CDS2: variants seen among roughly 807,000 people sequenced by gnomAD.
CDS2 encodes CDP-diacylglycerol synthase 2.
In CDS2, 47 loss-of-function variants were observed where a neutral mutation model predicts 59.0. The observed-to-expected ratio is 0.80, with a 90% confidence interval of 0.63 to 1.02. CDS2 has a LOEUF of 1.02. Among genes scored for constraint, CDS2 ranks in the 50% least tolerant of loss-of-function variants. The pLI, the probability that CDS2 is intolerant of heterozygous loss-of-function variation, is 0.00. For missense variants in CDS2, 356 were observed against 558.9 expected, an observed-to-expected ratio of 0.64 and a Z score of 3.66; for synonymous variants, 207 against 206.4, an observed-to-expected ratio of 1.00 and a Z score of -0.02.
chr20:5,127,079 C>A lies in CDS2; in HGVS notation c.-14C>A. On this transcript the variant is annotated 5_prime_UTR_variant, in exon 1 of 13. Coordinates refer to ENST00000460006, the MANE Select transcript of CDS2 (RefSeq NM_003818.4). ...GCTGCTAGCTCGCGGCGACGTCGGG[C>A]CGATTTTCCCAGGATGACAGAGCTG... The A allele has an allele frequency of 2.7e-6, 4 of 1,491,608 alleles. No individual in the cohort carries two copies. The highest frequency in any genetic ancestry group is 3.6e-6 in the Non-Finnish European group (4 of 1,120,186). The allele number at this position is 1,491,608 out of a possible 1,614,324, so 92.4% of individuals were successfully genotyped here. A position where few individuals can be genotyped will look rare whatever the true frequency, so the allele number is the denominator to read the frequency against.
chr20:5,186,536 T>A, intron 9 of CDS2, 151 bp from the exon 10 acceptor site: 2 of 630,104 alleles, frequency 3.2e-6, no homozygotes, highest in Non-Finnish European at 2.7e-6. Flanking sequence ...TGAGGTAAAA[T>A]ATGTATGGTA....
At chr20:5,173,888 G>A (rs535268253) in intron 2 of CDS2, among the ~76,000 whole-genome samples, 6 of 152,310 alleles carry the variant, frequency 3.9e-5, no homozygotes, top group African/African-American at 7.2e-5. Context: ...ATCTGGCCCC[G>A]GAAGGGTGCT....
chr20:5,182,732 C>G (rs1252504138), intron 6 of CDS2, among the ~76,000 whole-genome samples: 1 of 152,246 alleles, frequency 6.6e-6, no homozygotes, highest in African/African-American at 2.4e-5. Context: ...CACAGATGTC[C>G]TGTCTGGTAC....
chr20:5,131,330 T>C (rs907319908), intron 1 of CDS2, among the ~76,000 whole-genome samples: 6 of 152,242 alleles, frequency 3.9e-5, no homozygotes, highest in Non-Finnish European at 8.8e-5. Context: ...ACTGTGCTTA[T>C]AATTTTAAAG....
rs1237833313 is a variant in CDS2 at position 5,184,084 on chromosome 20, C to T, written c.672-774C>T. Among the ~76,000 whole-genome samples, 1 of 152,124 alleles carries T rather than the reference C, an allele frequency of 6.6e-6. No individual in the cohort carries two copies. The highest frequency in any genetic ancestry group is 1.5e-5 in the Non-Finnish European group (1 of 68,022). On this transcript the variant is annotated intron_variant, in intron 7 of 12. Transcript: ENST00000460006. The surrounding 1 kb of genome is among the most constrained non-coding windows in gnomAD (Gnocchi z 4.3). ...GGCTGAGGCAGGAGAATCACTTAAC[C>T]TGGGGGTGGAGGTTGCAGTGAGCCG...
At chr20:5,160,395 T>C (rs1205585081) in intron 1 of CDS2, among the ~76,000 whole-genome samples, 1 of 152,166 alleles carries the variant, frequency 6.6e-6, no homozygotes, top group Non-Finnish European at 1.5e-5. Flanking sequence ...AGCCCCCTCC[T>C]CACAGTAGTA....
intron 1 of CDS2, among the ~76,000 whole-genome samples, chr20:5,162,264 C>G (rs1250353896): frequency 1.3e-5 from 2 of 152,170 alleles, no homozygotes; most frequent in African/African-American, 4.8e-5. Context: ...AAAGGAAATG[C>G]TCATTGGAGC....
chr20:5,186,795 C>CAGG lies in CDS2; in HGVS notation c.940_942dup (p.Glu314dup), dbSNP rs977359852. ...TGAGCCCTCGGACCTGTTTCGCCTGCAGGAGTACAACATTCCTGGGGTGAT... is the reference window on the plus strand; with the variant it reads ...TGAGCCCTCGGACCTGTTTCGCCTGCAGGAGGAGTACAACATTCCTGGGGTGAT... On this transcript the variant is annotated inframe_insertion, in exon 10 of 13. Coordinates refer to ENST00000460006, the MANE Select transcript of CDS2 (RefSeq NM_003818.4). The CAGG allele has an allele frequency of 3.7e-6, 6 of 1,614,180 alleles. No individual in the cohort carries two copies. Among genetic ancestry groups the CAGG allele is most frequent in the Non-Finnish European group, 4.2e-6 (5 of 1,180,030 alleles).
intron 1 of CDS2, among the ~76,000 whole-genome samples, chr20:5,166,072 G>C (rs1210452646): frequency 1.3e-5 from 2 of 152,184 alleles, no homozygotes; most frequent in African/African-American, 4.8e-5. Flanking sequence ...TTTCTGGGAA[G>C]GTCCTCGTGT....
At position 5,168,689 on chromosome 20, in the gene CDS2, A is replaced by G. The variant is rs775855551; in HGVS notation, c.58-4834A>G. 3.9e-5 allele frequency: 20 copies of G among 515,406 alleles called. 1 individual carries two copies. Among genetic ancestry groups the G allele is most frequent in the South Asian group, 2.8e-4 (20 of 70,932 alleles). The allele number at this position is 515,406 out of a possible 1,614,324, so 31.9% of individuals were successfully genotyped here. ...CCAGGAAGCCTCCCACCAGGCTGGCAGGAAACCCAAACAGCAGGGTTTTCT... is the reference window on the plus strand; with the variant it reads ...CCAGGAAGCCTCCCACCAGGCTGGCGGGAAACCCAAACAGCAGGGTTTTCT... On this transcript the variant is annotated intron_variant, in intron 1 of 12. Coordinates refer to ENST00000460006, the MANE Select transcript of CDS2 (RefSeq NM_003818.4).
intron 1 of CDS2, among the ~76,000 whole-genome samples, chr20:5,127,379 G>C (rs1327168375): frequency 1.3e-5 from 2 of 152,144 alleles, no homozygotes; most frequent in Non-Finnish European, 2.9e-5. Context: ...GGCTCCCCCG[G>C]GGCGCAGGAA....
At chr20:5,162,916 G>A (rs6053167) in intron 1 of CDS2, among the ~76,000 whole-genome samples, 79,884 of 151,990 alleles carry the variant, frequency 0.53, 22,035 homozygotes, top group African/African-American at 0.68. Flanking sequence ...TGAAGGCAGG[G>A]GAATCTGTCT....
At chr20:5,136,973 T>C (rs1208729292) in intron 1 of CDS2, among the ~76,000 whole-genome samples, 2 of 152,132 alleles carry the variant, frequency 1.3e-5, no homozygotes, top group African/African-American at 2.4e-5. Flanking sequence ...TGGTGTCTCT[T>C]GTTCCCCTCT....
chr20:5,187,885 A>G (rs926391430), intron 10 of CDS2: 1 of 151,898 alleles, frequency 6.6e-6, no homozygotes, highest in Non-Finnish European at 1.5e-5. Flanking sequence ...GTCTCAAAAA[A>G]AAAAAAAAAA....
intron 1 of CDS2, among the ~76,000 whole-genome samples, chr20:5,141,643 A>T (rs1009393355): frequency 2.6e-5 from 4 of 151,884 alleles, no homozygotes; most frequent in African/African-American, 9.7e-5. Context: ...GGTGATGGGG[A>T]CTCCAGCTTG....
At chr20:5,136,926 A>C (rs1422700754) in intron 1 of CDS2, among the ~76,000 whole-genome samples, 1 of 151,898 alleles carries the variant, frequency 6.6e-6, no homozygotes, top group Non-Finnish European at 1.5e-5. Context: ...GTAGTTTTTC[A>C]ATCCTCACCA....
At chr20:5,135,711 G>C (rs537353222) in intron 1 of CDS2, among the ~76,000 whole-genome samples, 15 of 152,162 alleles carry the variant, frequency 9.9e-5, no homozygotes, top group Non-Finnish European at 1.6e-4. Flanking sequence ...CCCAACAGTA[G>C]GGATGGCATT....
chr20:5,160,205 G>GC (rs2090866610), intron 1 of CDS2, among the ~76,000 whole-genome samples: 1 of 152,204 alleles, frequency 6.6e-6, no homozygotes, highest in South Asian at 2.1e-4. Context: ...GGGAGAGCCG[G>GC]CATCTCTGCT....
chr20:5,176,492 A>G, intron 3 of CDS2, 156 bp from the exon 4 acceptor site: 1 of 637,992 alleles, frequency 1.6e-6, no homozygotes, highest in Non-Finnish European at 2.9e-6. Context: ...GCTCTGTGGG[A>G]TGGTATGAGA....
Sources: allele counts gnomAD v4.1 joint callset (sites outside exome capture counted in the v4.1 genomes callset), GRCh38; gene constraint gnomAD v4.1.1; non-coding constraint Gnocchi (gnomAD v3.1); transcripts MANE v1.5; gene names NCBI Gene and HGNC (gene_info 2026-07-23, HGNC 2026-07-21).